GRIP1: variants seen among roughly 807,000 people sequenced by gnomAD.
The protein encoded by GRIP1 is glutamate receptor-interacting protein 1.
In GRIP1, 45 loss-of-function variants were observed where a neutral mutation model predicts 129.9. The ratio of observed to expected loss-of-function variants is 0.35; its 90% confidence interval spans 0.27 to 0.44. GRIP1 has a LOEUF of 0.44. GRIP1 is among the 20% of genes least tolerant of loss of function. The pLI is 1.00. For missense variants in GRIP1, 1,196 were observed against 1,396.8 expected (o/e 0.86, Z 2.29); for synonymous variants, 530 against 520.8 (o/e 1.02, Z -0.24).
intron 7 of GRIP1, among the ~76,000 whole-genome samples, chr12:66,500,548 TGAGA>T (rs1229227269): frequency 6.6e-6 from 1 of 152,152 alleles, no homozygotes; most frequent in African/African-American, 2.4e-5. Flanking sequence ...GTCAATGTTA[TGAGA>T]GAGAGTCTTT....
intron 1 of GRIP1, among the ~76,000 whole-genome samples, chr12:67,038,229 C>T (rs546115685): frequency 5.9e-5 from 9 of 152,328 alleles, no homozygotes; most frequent in Middle Eastern, 3.4e-3. Flanking sequence ...AGCAGAAACA[C>T]TGGCAGAAGC....
At chr12:67,014,437 T>C (rs936143218) in intron 1 of GRIP1, among the ~76,000 whole-genome samples, 1 of 152,066 alleles carries the variant, frequency 6.6e-6, no homozygotes, top group Non-Finnish European at 1.5e-5. Context: ...AAAACAAGAA[T>C]ATGTAGAAAA....
chr12:66,948,038 A>G (rs1352012716), intron 1 of GRIP1, among the ~76,000 whole-genome samples: 1 of 152,242 alleles, frequency 6.6e-6, no homozygotes, highest in African/African-American at 2.4e-5. Flanking sequence ...TCTGCTCGGC[A>G]TGTCAGATCA....
intron 5 of GRIP1, among the ~76,000 whole-genome samples, chr12:66,525,092 A>T (rs2061175385): frequency 2.0e-5 from 3 of 152,218 alleles, no homozygotes; most frequent in Admixed American, 2.0e-4. Context: ...GCCGAATTCT[A>T]CCAAAGCTAC....
At chr12:66,824,626 A>T (rs1681694975) in intron 1 of GRIP1, among the ~76,000 whole-genome samples, 1 of 152,184 alleles carries the variant, frequency 6.6e-6, no homozygotes, top group African/African-American at 2.4e-5. Context: ...ACATTTAAAT[A>T]ACTGTGGTTT....
At chr12:66,487,225 A>T (rs1446466578) in intron 7 of GRIP1, among the ~76,000 whole-genome samples, 1 of 152,080 alleles carries the variant, frequency 6.6e-6, no homozygotes, top group East Asian at 1.9e-4. Flanking sequence ...AAGATTTTTT[A>T]AAAAGGGGCA....
At chr12:66,973,958 C>T (rs2137587687) in intron 1 of GRIP1, among the ~76,000 whole-genome samples, 1 of 120,736 alleles carries the variant, frequency 8.3e-6, no homozygotes, top group South Asian at 2.6e-4. Flanking sequence ...CTCACTTTGT[C>T]GCCCAGACTG....
intron 1 of GRIP1, among the ~76,000 whole-genome samples, chr12:66,924,073 G>A (rs2041256457): frequency 6.6e-6 from 1 of 152,054 alleles, no homozygotes; most frequent in African/African-American, 2.4e-5. Flanking sequence ...TCGGACTCCT[G>A]GCAGCAGGTG....
chr12:66,479,843 GA>G (rs200840760), intron 7 of GRIP1, among the ~76,000 whole-genome samples: 6 of 151,906 alleles, frequency 3.9e-5, no homozygotes, highest in African/African-American at 1.5e-4. Context: ...AATAGATGTA[GA>G]AAAGGCCTTC....
At chr12:66,455,001 G>T (rs2058914778) in intron 11 of GRIP1, among the ~76,000 whole-genome samples, 1 of 152,066 alleles carries the variant, frequency 6.6e-6, no homozygotes, top group Non-Finnish European at 1.5e-5. Context: ...ATCAAAAGGG[G>T]AGCATCGTTT....
At chr12:67,016,943 G>A (rs909881489) in intron 1 of GRIP1, among the ~76,000 whole-genome samples, 2 of 152,236 alleles carry the variant, frequency 1.3e-5, no homozygotes, top group South Asian at 2.1e-4. Context: ...ATCCAGTGGA[G>A]CTATTCAATT....
intron 1 of GRIP1, among the ~76,000 whole-genome samples, chr12:66,614,127 G>A (rs2064933075): frequency 6.6e-6 from 1 of 151,870 alleles, no homozygotes; most frequent in Non-Finnish European, 1.5e-5. Context: ...CTATAAATAA[G>A]TATATGCCCT....
At chr12:66,650,220 G>T (rs1048181493) in intron 1 of GRIP1, among the ~76,000 whole-genome samples, 2 of 152,042 alleles carry the variant, frequency 1.3e-5, no homozygotes, top group African/African-American at 4.8e-5. Flanking sequence ...ACTGATAGAA[G>T]AATACTCTTA....
chr12:66,565,264 A>G (rs1253662953), intron 2 of GRIP1, among the ~76,000 whole-genome samples: 5 of 152,168 alleles, frequency 3.3e-5, no homozygotes, highest in South Asian at 2.1e-4. Context: ...TAGGTCTAAC[A>G]TTTAAGTCTT....
At chr12:66,492,390 T>C (rs1015817926) in intron 7 of GRIP1, among the ~76,000 whole-genome samples, 2 of 152,134 alleles carry the variant, frequency 1.3e-5, no homozygotes, top group East Asian at 3.8e-4. Flanking sequence ...AGTCTAAAGA[T>C]GGGACTAGAT....
At chr12:66,356,127 G>A (rs768066743) in intron 23 of GRIP1, among the ~76,000 whole-genome samples, 6 of 152,220 alleles carry the variant, frequency 3.9e-5, no homozygotes, top group South Asian at 2.1e-4. Flanking sequence ...CCAGATTCCC[G>A]GACAGTGAGG....
chr12:66,522,367 TGCTGTTCTACAGCCACC>T (rs1008629852), intron 5 of GRIP1, among the ~76,000 whole-genome samples: 20 of 152,328 alleles, frequency 1.3e-4, no homozygotes, highest in African/African-American at 4.3e-4. Flanking sequence ...CTACAGCCAC[TGCTGTTCTACAGCCACC>T]GCTGTTCTGC....
chr12:66,495,142 C>A (rs892206513), intron 7 of GRIP1, among the ~76,000 whole-genome samples: 20 of 152,060 alleles, frequency 1.3e-4, no homozygotes, highest in African/African-American at 4.6e-4. Context: ...ATTAGTTTTC[C>A]AGTTGATGTG....
At chr12:66,550,893 C>T (rs115242487) in intron 2 of GRIP1, among the ~76,000 whole-genome samples, 47 of 152,212 alleles carry the variant, frequency 3.1e-4, no homozygotes, top group African/African-American at 1.1e-3. Flanking sequence ...TTGATAAGGG[C>T]CAGGAGAAAG....
Sources: allele counts gnomAD v4.1 joint callset (sites outside exome capture counted in the v4.1 genomes callset), GRCh38; gene constraint gnomAD v4.1.1; transcripts MANE v1.5; gene names NCBI Gene and HGNC (gene_info 2026-07-23, HGNC 2026-07-21).